ARRDC5: variants seen among roughly 807,000 people sequenced by gnomAD.
The protein encoded by ARRDC5 is arrestin domain-containing protein 5.
In ARRDC5, 12 loss-of-function variants were observed where a neutral mutation model predicts 13.3. That is an observed-to-expected ratio of 0.90 (90% CI 0.58 to 1.46). ARRDC5 has a LOEUF of 1.46. ARRDC5 is among the 40% of genes most tolerant of loss of function. The pLI is 0.00. For missense variants in ARRDC5, 406 were observed against 418.7 expected (o/e 0.97, Z 0.26); for synonymous variants, 181 against 173.4 (o/e 1.04, Z -0.34).
chr19:4,890,972 G>A lies in ARRDC5; in HGVS notation c.*74C>T, dbSNP rs1003867065. 4.6e-6 allele frequency: 6 copies of A among 1,318,644 alleles called. No homozygotes were observed. Among genetic ancestry groups the A allele is most frequent in the Non-Finnish European group, 6.2e-6 (6 of 962,696 alleles). 81.7% of individuals were successfully genotyped at this position (1,318,644 alleles called of 1,614,324 possible). On this transcript the variant is annotated 3_prime_UTR_variant, in exon 3 of 3. Transcript: ENST00000650722. ...TGCCCACTCCTCGACTCCTCTGAGA[G>A]TCACCTGTGCAAGAGAGAGGGCTTC...
the ARRDC5 span, chr19:4,910,359 G>A: frequency 6.6e-6 from 1 of 151,738 alleles, no homozygotes; most frequent in East Asian, 1.9e-4. Context: ...CGGCAAGGAG[G>A]GGGGGCGTGG....
the ARRDC5 span, among the ~76,000 whole-genome samples, chr19:4,912,369 CA>C: frequency 6.6e-6 from 1 of 152,198 alleles, no homozygotes; most frequent in Non-Finnish European, 1.5e-5. Context: ...CTTCATTTCA[CA>C]AAGAGTTTCT....
intron 1 of ARRDC5, 71 bp from the exon 2 acceptor site, chr19:4,896,947 TGCTTTA>T: frequency 3.6e-6 from 4 of 1,110,792 alleles, no homozygotes; most frequent in Non-Finnish European, 5.3e-6. Flanking sequence ...TTTTTTTTTT[TGCTTTA>T]TTTTTATATT....
At chr19:4,912,610 G>A in the ARRDC5 span, among the ~76,000 whole-genome samples, 2 of 152,194 alleles carry the variant, frequency 1.3e-5, no homozygotes, top group Admixed American at 6.6e-5. Context: ...ATCTTGAAGC[G>A]CTCTGTCTTT....
At chr19:4,910,786 C>T in the ARRDC5 span, 4 of 1,449,040 alleles carry the variant, frequency 2.8e-6, no homozygotes, top group South Asian at 3.0e-5. Context: ...GTCCACAGGC[C>T]GGACAAAAGC....
upstream of ARRDC5, among the ~76,000 whole-genome samples, chr19:4,904,513 C>A (rs575348161): frequency 6.6e-6 from 1 of 152,144 alleles, no homozygotes; most frequent in South Asian, 2.1e-4. Context: ...CAGGGTTTCA[C>A]CATCTTGGCC....
chr19:4,897,786 G>C (rs1372951482), intron 1 of ARRDC5, among the ~76,000 whole-genome samples: 1 of 152,198 alleles, frequency 6.6e-6, no homozygotes, highest in Non-Finnish European at 1.5e-5. Context: ...CAAAAGTGCT[G>C]GGATAATAGG....
chr19:4,909,767 T>C, the ARRDC5 span: 1 of 467,780 alleles, frequency 2.1e-6, no homozygotes, highest in Non-Finnish European at 3.7e-6. Flanking sequence ...TCCCGCACTC[T>C]GTCCCGGGAT....
chr19:4,903,029 C>CTTTTTCACTGGTTCTTT (rs57469214), upstream of ARRDC5: 80 of 448,636 alleles, frequency 1.8e-4, no homozygotes, highest in East Asian at 2.6e-4. Context: ...CTCACTGGTT[C>CTTTTTCACTGGTTCTTT]TTTTTTTTTT....
At chr19:4,908,546 T>G in the ARRDC5 span, among the ~76,000 whole-genome samples, 1 of 152,026 alleles carries the variant, frequency 6.6e-6, no homozygotes, top group African/African-American at 2.4e-5. Context: ...TTCCGGCCTC[T>G]GGGTTTGACT....
In ARRDC5 at chr19:4,896,996, A is replaced by T. The variant is rs1371741066; in HGVS notation, c.254-120T>A. 3.3e-5 allele frequency: 23 copies of T among 689,188 alleles called. No individual in the cohort carries two copies. The East Asian group carries it at 6.1e-4, about 18-fold the overall frequency. 42.7% of individuals were successfully genotyped at this position (689,188 alleles called of 1,614,324 possible). A position where few individuals can be genotyped will look rare whatever the true frequency, so the allele number is the denominator to read the frequency against. ...TTTTGAGACACGGTCTCACTCTGTC[A>T]CCCAGTCTGGAGTATAGTGGTGTGA... On this transcript the variant is annotated intron_variant, in intron 1 of 2. Coordinates refer to ENST00000650722, the MANE Select transcript of ARRDC5 (RefSeq NM_001080523.3).
At position 4,896,361 on chromosome 19, in the gene ARRDC5, TACACAC is replaced by T. The variant is rs71170877; in HGVS notation, c.459+304_459+309del. On this transcript the variant is annotated intron_variant, in intron 2 of 2. Transcript: ENST00000650722. ...ATATATATATATATTTTTTTTTTTT[TACACAC>T]ACACACACACACACACACACACACA... Among the ~76,000 whole-genome samples the T allele has an allele frequency of 3.0e-3, 258 of 84,916 alleles. 5 individuals carry two copies. The highest frequency in any genetic ancestry group is 6.9e-3 in the African/African-American group (123 of 17,784). The allele number at this position is 84,916 out of a possible 152,430, so 55.7% of individuals were successfully genotyped here.
upstream of ARRDC5, among the ~76,000 whole-genome samples, chr19:4,907,080 C>G (rs2032079445): frequency 6.6e-6 from 1 of 152,210 alleles, no homozygotes; most frequent in Admixed American, 6.5e-5. Context: ...GCTGCTATGA[C>G]AAAGGACCAC....
chr19:4,910,807 C>A, the ARRDC5 span: 12 of 1,513,486 alleles, frequency 7.9e-6, no homozygotes, highest in East Asian at 2.1e-4. Flanking sequence ...AACCCCGACT[C>A]CTTAGAGCAT....
At chr19:4,901,686 G>A (rs75055276) in intron 1 of ARRDC5, among the ~76,000 whole-genome samples, 140 of 152,114 alleles carry the variant, frequency 9.2e-4, no homozygotes, top group Non-Finnish European at 1.9e-3. Context: ...ATTACACTTT[G>A]TTCAGCCAAG....
At chr19:4,905,443 T>C (rs1478743065), upstream of ARRDC5, among the ~76,000 whole-genome samples, 1 of 151,256 alleles carries the variant, frequency 6.6e-6, no homozygotes, top group Non-Finnish European at 1.5e-5. Context: ...TCTTAAAACA[T>C]TATGAGATTT....
rs1401315533 is a variant in ARRDC5 at position 4,891,255 on chromosome 19, G to A, written c.778C>T (p.Pro260Ser). ...TTKVVSTFNL[P>S]LLLSVSSSTQ... ...CTGCTGCTCACGGACAGCAGCAACG[G>A]CAGGTTGAAGGTGCTGACAACCTTG... Residue 260 changes from proline to serine, a missense_variant, in exon 3 of 3, where the codon CCG becomes TCG. Physicochemically the swap from Pro to Ser is moderately conservative, Grantham distance 74 (BLOSUM62 -1). Coordinates refer to ENST00000650722, the MANE Select transcript of ARRDC5 (RefSeq NM_001080523.3). The A allele has an allele frequency of 1.2e-6, 2 of 1,613,916 alleles. No individual in the cohort carries two copies. Among genetic ancestry groups the A allele is most frequent in the Admixed American group, 3.3e-5 (2 of 59,998 alleles).
At chr19:4,906,402 CACTTA>C (rs1450083237), upstream of ARRDC5, among the ~76,000 whole-genome samples, 4 of 152,188 alleles carry the variant, frequency 2.6e-5, no homozygotes, top group Admixed American at 6.6e-5. Flanking sequence ...TCCTCTGTGA[CACTTA>C]ACTTCCATTA....
At chr19:4,909,820 G>A in the ARRDC5 span, 2 of 424,790 alleles carry the variant, frequency 4.7e-6, no homozygotes, top group Non-Finnish European at 4.1e-6. Context: ...ATCGTTCCCC[G>A]GCACACATCC....
Sources: gnomAD v4.1 joint callset for allele counts (sites outside exome capture counted in the v4.1 genomes callset) on GRCh38, gnomAD v4.1.1 for gene constraint, MANE v1.5 for transcripts, NCBI Gene and HGNC (gene_info 2026-07-23, HGNC 2026-07-21) for gene names.